Variants in TANGO6 observed in about 807,000 individuals in gnomAD.
TANGO6 encodes the protein transport and golgi organization 6 homolog.
In TANGO6, 90 loss-of-function variants were observed where a neutral mutation model predicts 114.2. The observed-to-expected ratio is 0.79, with a 90% confidence interval of 0.66 to 0.94. TANGO6 has a LOEUF of 0.94. TANGO6 is among the 40% of genes least tolerant of loss of function. TANGO6 has a pLI of 0.00. For missense variants in TANGO6, 1,274 were observed against 1,315.3 expected (o/e 0.97, Z 0.49); for synonymous variants, 477 against 509.8 (o/e 0.94, Z 0.87).
intron 7 of TANGO6, among the ~76,000 whole-genome samples, chr16:68,885,986 C>T (rs768634669): frequency 2.0e-5 from 3 of 152,204 alleles, no homozygotes; most frequent in Non-Finnish European, 2.9e-5. Flanking sequence ...GAAGCAGCTA[C>T]ACCATTTTAC....
At chr16:69,060,373 G>T (rs1312857790) in intron 17 of TANGO6, among the ~76,000 whole-genome samples, 1 of 152,018 alleles carries the variant, frequency 6.6e-6, no homozygotes, top group Non-Finnish European at 1.5e-5. Context: ...ATGAGTGAAT[G>T]AAATCATTTC....
chr16:68,890,434 C>G (rs1430432847), intron 7 of TANGO6, among the ~76,000 whole-genome samples: 1 of 152,222 alleles, frequency 6.6e-6, no homozygotes, highest in Non-Finnish European at 1.5e-5. Flanking sequence ...CATGTTCACT[C>G]ATTTAACGTG....
At chr16:68,900,605 T>C (rs1962769630) in intron 8 of TANGO6, 59 bp downstream of exon 8, 1 of 1,335,438 alleles carries the variant, frequency 7.5e-7, no homozygotes, top group Non-Finnish European at 1.0e-6. Flanking sequence ...TTGCATGTTG[T>C]TTTTGTTCTT....
intron 17 of TANGO6, among the ~76,000 whole-genome samples, chr16:69,082,158 T>C (rs1960474573): frequency 6.6e-6 from 1 of 152,202 alleles, no homozygotes. Context: ...TAATTTTTTA[T>C]ATTTTTAGCA....
At chr16:69,039,028 AC>A (rs1374654473) in intron 16 of TANGO6, among the ~76,000 whole-genome samples, 2 of 152,186 alleles carry the variant, frequency 1.3e-5, no homozygotes, top group African/African-American at 4.8e-5. Context: ...TACTAAAAAT[AC>A]AAAAAATTAG....
chr16:68,918,982 A>G, intron 11 of TANGO6, 103 bp from the exon 12 acceptor site: 1 of 1,375,954 alleles, frequency 7.3e-7, no homozygotes, highest in Non-Finnish European at 9.8e-7. Flanking sequence ...TCTTGCTATC[A>G]TGATGTAGAT....
intron 14 of TANGO6, among the ~76,000 whole-genome samples, chr16:68,940,310 C>G (rs1328488340): frequency 1.3e-5 from 2 of 151,910 alleles, no homozygotes; most frequent in Non-Finnish European, 2.9e-5. Context: ...CTCGGCCTCT[C>G]AAAGTGTTGG....
chr16:68,843,561 GGCGGCGCCCTGC>G lies in TANGO6; in HGVS notation c.-56_-45del. Reference sequence around the variant, plus strand: ...CTTCTGCCACACTTAACATGGCGGCGGCGGCGCCCTGCCGAGGCGCCTGAGCGGGTCGCGAGC... The same window carrying G: ...CTTCTGCCACACTTAACATGGCGGCGCGAGGCGCCTGAGCGGGTCGCGAGC... On this transcript the variant is annotated 5_prime_UTR_variant, in exon 1 of 18. Coordinates refer to ENST00000261778, the MANE Select transcript of TANGO6 (RefSeq NM_024562.2). The G allele has an allele frequency of 2.6e-6, 4 of 1,541,202 alleles. No homozygotes were observed. The South Asian group carries it at 4.5e-5, about 17-fold the overall frequency.
At chr16:68,952,676 G>A (rs1963481875) in intron 14 of TANGO6, among the ~76,000 whole-genome samples, 1 of 152,102 alleles carries the variant, frequency 6.6e-6, no homozygotes, top group South Asian at 2.1e-4. Context: ...TACAGTTTGG[G>A]CAACACATTT....
intron 14 of TANGO6, among the ~76,000 whole-genome samples, chr16:68,971,856 C>G (rs1389548959): frequency 6.6e-6 from 1 of 151,994 alleles, no homozygotes; most frequent in African/African-American, 2.4e-5. Flanking sequence ...TGATCTTGAA[C>G]TCCTGACCTC....
chr16:69,001,708 T>C (rs1964045331), intron 15 of TANGO6, among the ~76,000 whole-genome samples: 2 of 152,204 alleles, frequency 1.3e-5, no homozygotes, highest in East Asian at 1.9e-4. Flanking sequence ...AGGAACACCA[T>C]GGGACCAGAC....
intron 17 of TANGO6, among the ~76,000 whole-genome samples, chr16:69,046,051 G>A (rs755789978): frequency 1.6e-4 from 21 of 128,522 alleles, no homozygotes; most frequent in Admixed American, 2.7e-4. Flanking sequence ...GTGATAGAGC[G>A]AGACTCCAAC....
intron 11 of TANGO6, among the ~76,000 whole-genome samples, chr16:68,911,409 TA>T (rs1429934819): frequency 6.6e-6 from 1 of 151,224 alleles, no homozygotes; most frequent in Non-Finnish European, 1.5e-5. Flanking sequence ...TGACAATTTA[TA>T]GTTTCTTTTT....
chr16:68,846,050 A>T (rs1231731327), intron 1 of TANGO6, among the ~76,000 whole-genome samples: 1 of 149,676 alleles, frequency 6.7e-6, no homozygotes, highest in Non-Finnish European at 1.5e-5. Context: ...TTTGAGATGG[A>T]ATTTCGCTCT....
At position 68,880,598 on chromosome 16, in the gene TANGO6, G is replaced by C. The variant is rs372191462; in HGVS notation, c.1345G>C (p.Glu449Gln). ...VPGTILVTEEELSRCIEDVFK... is the reference protein window; with the variant it reads ...VPGTILVTEEQLSRCIEDVFK... ...AGGAACTATTTTGGTGACAGAAGAA[G>C]AACTTAGTAGATGCATTGAGGATGT... The change falls in exon 7 of 18, where the codon GAA (glutamate) becomes CAA (glutamine). Residue 449 changes from glutamate to glutamine, a missense_variant. By Grantham distance (29) the Glu-to-Gln change is conservative (BLOSUM62 2). Around this residue, in one of 5 missense-constraint regions of TANGO6, gnomAD observed 908 missense variants for 910.2 expected, o/e 1.00. Coordinates refer to ENST00000261778, the MANE Select transcript of TANGO6 (RefSeq NM_024562.2). The C allele has an allele frequency of 1.2e-6, 2 of 1,612,516 alleles. No individual in the cohort carries two copies. The highest frequency in any genetic ancestry group is 2.7e-5 in the African/African-American group (2 of 74,876).
chr16:68,909,177 T>C, intron 10 of TANGO6, 34 bp from the exon 11 acceptor site: 2 of 1,440,380 alleles, frequency 1.4e-6, no homozygotes, highest in Non-Finnish European at 1.8e-6. Flanking sequence ...GTACTGGCTT[T>C]ATCTTCACTT....
intron 3 of TANGO6, among the ~76,000 whole-genome samples, chr16:68,866,734 C>T (rs1406412119): frequency 6.6e-6 from 1 of 151,884 alleles, no homozygotes; most frequent in Non-Finnish European, 1.5e-5. Flanking sequence ...GTCAGGAGTT[C>T]GAGACCGGCC....
chr16:69,026,458 C>G (rs1394226675), intron 16 of TANGO6: 1 of 184,786 alleles, frequency 5.4e-6, no homozygotes, highest in Non-Finnish European at 1.2e-5. Context: ...GAAGGGCTAT[C>G]TGAGTGTCCA....
chr16:69,081,527 G>A (rs1278178898), intron 17 of TANGO6, among the ~76,000 whole-genome samples: 2 of 151,776 alleles, frequency 1.3e-5, no homozygotes, highest in Admixed American at 1.3e-4. Flanking sequence ...TTTTAGTAGA[G>A]ATGGGGTTTC....
Sources: allele counts gnomAD v4.1 joint callset (sites outside exome capture counted in the v4.1 genomes callset), GRCh38; gene constraint gnomAD v4.1.1; regional missense constraint gnomAD v4.1.1; transcripts MANE v1.5; gene names NCBI Gene and HGNC (gene_info 2026-07-23, HGNC 2026-07-21).